Variants in MBNL1 observed in about 807,000 individuals in gnomAD.
MBNL1 encodes the protein muscleblind like splicing regulator 1, also known as muscleblind-like protein 1.
In MBNL1, 8 loss-of-function variants were observed where a neutral mutation model predicts 42.2. The observed-to-expected ratio is 0.19, with a 90% CI of 0.11 to 0.34. MBNL1 has a LOEUF of 0.34. Ranked by LOEUF, MBNL1 falls within the 10% of genes least tolerant of loss-of-function variation. The probability of loss-of-function intolerance (pLI) is 1.00; values close to 1 mark genes in which losing one functional copy is unlikely to be tolerated. For missense variants in MBNL1, 309 were observed against 495.3 expected (o/e 0.62, Z 3.57); for synonymous variants, 169 against 173.9 (o/e 0.97, Z 0.22).
chr3:152,357,241 G>A (rs529187022), intron 2 of MBNL1, among the ~76,000 whole-genome samples: 2 of 152,224 alleles, frequency 1.3e-5, no homozygotes, highest in South Asian at 2.1e-4. Flanking sequence ...ACACAAGGAC[G>A]GAGGCAGGAT....
intron 1 of MBNL1, among the ~76,000 whole-genome samples, chr3:152,270,634 TTATAGA>T (rs1337337804): frequency 6.6e-6 from 1 of 152,198 alleles, no homozygotes; most frequent in Non-Finnish European, 1.5e-5. Flanking sequence ...TTAGATGTAG[TTATAGA>T]TAGAGGCACT....
chr3:152,259,562 C>T (rs2035936597), intron 2 of MBNL1, among the ~76,000 whole-genome samples: 1 of 152,180 alleles, frequency 6.6e-6, no homozygotes, highest in African/African-American at 2.4e-5. Flanking sequence ...AGCTGGCTAG[C>T]TTTGTCTGTA....
chr3:152,358,265 T>C (rs2095669626), intron 2 of MBNL1, among the ~76,000 whole-genome samples: 1 of 152,228 alleles, frequency 6.6e-6, no homozygotes, highest in Non-Finnish European at 1.5e-5. Flanking sequence ...CTTATAAATA[T>C]GTTATTATCT....
chr3:152,303,622 A>G (rs1411358219), intron 2 of MBNL1, among the ~76,000 whole-genome samples: 1 of 152,186 alleles, frequency 6.6e-6, no homozygotes, highest in African/African-American at 2.4e-5. Context: ...TTTCAAATCA[A>G]TGACAAATTG....
intron 2 of MBNL1, among the ~76,000 whole-genome samples, chr3:152,251,210 A>C (rs1354838495): frequency 2.0e-5 from 3 of 152,082 alleles, no homozygotes; most frequent in African/African-American, 7.2e-5. Flanking sequence ...TTTCCCCTCC[A>C]GTAAATCACC....
At chr3:152,354,424 C>T (rs1242206316) in intron 2 of MBNL1, among the ~76,000 whole-genome samples, 1 of 152,140 alleles carries the variant, frequency 6.6e-6, no homozygotes, top group African/African-American at 2.4e-5. Context: ...CATGGCCCTC[C>T]AGCCTGGGTA....
At chr3:152,382,801 AT>A in intron 2 of MBNL1, among the ~76,000 whole-genome samples, 1 of 152,112 alleles carries the variant, frequency 6.6e-6, no homozygotes, top group Middle Eastern at 3.4e-3. Context: ...AGTTTTTGTT[AT>A]CTTTAGCATT....
chr3:152,320,627 G>A (rs534193679), intron 2 of MBNL1, among the ~76,000 whole-genome samples: 1 of 151,270 alleles, frequency 6.6e-6, no homozygotes, highest in African/African-American at 2.4e-5. Context: ...AGCTTTCAAA[G>A]GTTGCATAGG....
At chr3:152,296,968 G>A (rs1242305274) in intron 1 of MBNL1, among the ~76,000 whole-genome samples, 5 of 152,160 alleles carry the variant, frequency 3.3e-5, no homozygotes, top group Admixed American at 3.3e-4. Flanking sequence ...ACTGTATAGG[G>A]CATAGGTGCA....
intron 2 of MBNL1, among the ~76,000 whole-genome samples, chr3:152,311,345 C>T (rs1457314594): frequency 6.6e-6 from 1 of 152,124 alleles, no homozygotes; most frequent in Non-Finnish European, 1.5e-5. Flanking sequence ...TTTTATTCAT[C>T]TTACTAGGCA....
intron 2 of MBNL1, among the ~76,000 whole-genome samples, chr3:152,257,044 T>C (rs1337344404): frequency 2.0e-5 from 3 of 152,180 alleles, no homozygotes; most frequent in East Asian, 3.8e-4. Context: ...AGATGACTTA[T>C]GTGCTATTTA....
chr3:152,250,925 A>T (rs1166939241), intron 2 of MBNL1, among the ~76,000 whole-genome samples: 1 of 152,058 alleles, frequency 6.6e-6, no homozygotes, highest in Non-Finnish European at 1.5e-5. Context: ...ATGAACATTG[A>T]TGCAAAAATC....
chr3:152,297,262 T>TTG (rs2058942641), intron 1 of MBNL1, among the ~76,000 whole-genome samples: 1 of 150,680 alleles, frequency 6.6e-6, no homozygotes, highest in South Asian at 2.1e-4. Flanking sequence ...TTGTTTTTTT[T>TTG]TTTTTTTTTT....
At chr3:152,323,477 A>G (rs990048270) in intron 2 of MBNL1, among the ~76,000 whole-genome samples, 3 of 152,126 alleles carry the variant, frequency 2.0e-5, no homozygotes, top group Non-Finnish European at 4.4e-5. Flanking sequence ...ACACACACAC[A>G]CGTCATGCCT....
chr3:152,367,418 A>G (rs1038572451), intron 2 of MBNL1, among the ~76,000 whole-genome samples: 2 of 152,142 alleles, frequency 1.3e-5, no homozygotes, highest in Non-Finnish European at 2.9e-5. Context: ...TTCTTTATCC[A>G]GTCTCTCAAT....
chr3:152,318,048 T>G (rs565968835), intron 2 of MBNL1, among the ~76,000 whole-genome samples: 1 of 152,330 alleles, frequency 6.6e-6, no homozygotes, highest in Non-Finnish European at 1.5e-5. Context: ...ATTGGGTGTG[T>G]TGTTACAGGA....
intron 4 of MBNL1, among the ~76,000 whole-genome samples, chr3:152,437,049 TA>T (rs1369306247): frequency 6.6e-6 from 1 of 152,230 alleles, no homozygotes; most frequent in Non-Finnish European, 1.5e-5. Flanking sequence ...CCTCGCATGC[TA>T]ATTGCATTAC....
intron 2 of MBNL1, among the ~76,000 whole-genome samples, chr3:152,329,673 TTATATA>T (rs927638336): frequency 2.5e-5 from 3 of 120,114 alleles, no homozygotes; most frequent in Non-Finnish European, 5.2e-5. Context: ...ATATTTTATC[TTATATA>T]TATATATCTT....
upstream of MBNL1, chr3:152,263,468 T>C (rs1406005880): frequency 2.0e-5 from 3 of 152,178 alleles, no homozygotes; most frequent in Admixed American, 6.5e-5. Flanking sequence ...ATGAGTCTTA[T>C]GGCTTCTCTT....
Sources: allele counts gnomAD v4.1 joint callset (sites outside exome capture counted in the v4.1 genomes callset), GRCh38; gene constraint gnomAD v4.1.1; transcripts MANE v1.5; gene names NCBI Gene and HGNC (gene_info 2026-07-23, HGNC 2026-07-21).